THAP3: variants seen among roughly 807,000 people sequenced by gnomAD.
THAP3 encodes the protein THAP domain containing 3.
THAP3 carries 12 observed loss-of-function variants against 17.7 expected under a neutral mutation model. That is an observed-to-expected ratio of 0.68 (90% confidence interval 0.43 to 1.10). The LOEUF is 1.10. Ranked by LOEUF, THAP3 falls within the 50% of genes least tolerant of loss-of-function variation. The pLI, the probability that THAP3 is intolerant of heterozygous loss-of-function variation, is 0.00. For missense variants in THAP3, 289 were observed against 318.0 expected (o/e 0.91, Z 0.69); for synonymous variants, 133 against 126.9 (o/e 1.05, Z -0.32).
At chr1:6,631,481 TA>T (rs1178702399) in intron 4 of THAP3, among the ~76,000 whole-genome samples, 1 of 151,674 alleles carries the variant, frequency 6.6e-6, no homozygotes, top group Non-Finnish European at 1.5e-5. Flanking sequence ...ATATAAAAAT[TA>T]GCCGGGCTGG....
chr1:6,633,894 G>A (rs1641698628), downstream of THAP3: 1 of 830,628 alleles, frequency 1.2e-6, no homozygotes, highest in South Asian at 1.7e-5. Flanking sequence ...TTGTCACTGG[G>A]TGACAGAGCG....
In THAP3 at chr1:6,624,871, G is replaced by A. The variant is rs914165319; in HGVS notation, c.-153G>A. Reference sequence around the variant, plus strand: ...CTGAGGGGTTGGCCGTTGGTTTCCAGTTGTCCAAGCCTGTGAGTGGCTATG... The same window carrying A: ...CTGAGGGGTTGGCCGTTGGTTTCCAATTGTCCAAGCCTGTGAGTGGCTATG... On this transcript the variant is annotated 5_prime_UTR_variant, in exon 1 of 6. Transcript: ENST00000054650. The A allele has an allele frequency of 1.2e-5, 4 of 331,464 alleles. No individual in the cohort carries two copies. Among genetic ancestry groups the A allele is most frequent in the African/African-American group, 2.2e-5 (1 of 44,528 alleles). The allele number at this position is 331,464 out of a possible 1,614,324, so 20.5% of individuals were successfully genotyped here.
rs527403160 is a variant in THAP3 at position 6,628,592 on chromosome 1, C to T, written c.168C>T (p.Ser56=). Residue 56 remains serine (S), a synonymous_variant, in exon 3 of 6, where the codon TCC becomes TCT. Transcript: ENST00000054650. ...FKPKQHTVIC[S]EHFRPECFSA... ...CCAAGCAGCACACGGTCATCTGCTCCGAGCACTTCCGGCCAGAGTGCTTCA... is the reference window on the plus strand; with the variant it reads ...CCAAGCAGCACACGGTCATCTGCTCTGAGCACTTCCGGCCAGAGTGCTTCA... 2.8e-5 allele frequency: 45 copies of T among 1,613,850 alleles called. No individual in the cohort carries two copies. The highest frequency in any genetic ancestry group is 3.3e-4 in the Middle Eastern group (2 of 6,062).
chr1:6,632,471 A>G lies in THAP3; in HGVS notation c.414A>G (p.Pro138=). The G allele has an allele frequency of 6.2e-7, 1 of 1,614,184 alleles. No homozygotes were observed. Among genetic ancestry groups the G allele is most frequent in the Non-Finnish European group, 8.5e-7 (1 of 1,180,032 alleles). The change falls in exon 5 of 6, where the codon CCA becomes CCG. Residue 138 remains proline, a synonymous_variant. Coordinates refer to ENST00000054650, the MANE Select transcript of THAP3 (RefSeq NM_001195753.2). ...DTALEELQLP[P]NAEGHVKQVS... is the part of the protein sequence containing the mutation. ...CACTTGAAGAGCTTCAGTTGCCCCCAAATGCCGAAGGCCACGTAAAACAGG... is the reference window on the plus strand; with the variant it reads ...CACTTGAAGAGCTTCAGTTGCCCCCGAATGCCGAAGGCCACGTAAAACAGG...
At chr1:6,634,753 G>T, downstream of THAP3, 1 of 1,343,380 alleles carries the variant, frequency 7.4e-7, no homozygotes, top group East Asian at 4.8e-5. Context: ...TGAGGACGCT[G>T]GACCTGCAGG....
downstream of THAP3, chr1:6,634,179 G>GA (rs1404347754): frequency 1.5e-5 from 19 of 1,285,998 alleles, no homozygotes; most frequent in Non-Finnish European, 1.8e-5. Context: ...CTGCTTTCAG[G>GA]AAAGGTTTAT....
chr1:6,630,888 T>G (rs1328128655), intron 4 of THAP3, among the ~76,000 whole-genome samples: 2 of 151,150 alleles, frequency 1.3e-5, no homozygotes, highest in Admixed American at 6.6e-5. Flanking sequence ...TTTTTTTTTT[T>G]TGTAGAGATA....
At chr1:6,625,070 G>T (rs1185714291) in intron 1 of THAP3, 80 bp from the exon 2 acceptor site, 6 of 854,930 alleles carry the variant, frequency 7.0e-6, no homozygotes, top group Non-Finnish European at 1.0e-5. Context: ...GACGCGGGTG[G>T]CTGGGATGGC....
Position 6,628,684 on chromosome 1 carries a change from C to T in THAP3, c.260C>T (p.Pro87Leu). The change falls in exon 3 of 6, where the codon CCC (proline) becomes CTC (leucine). Residue 87 changes from proline (P) to leucine (L), a missense_variant. Pro to Leu is a moderately conservative substitution (Grantham distance 98, BLOSUM62 -3). Coordinates refer to ENST00000054650, the MANE Select transcript of THAP3 (RefSeq NM_001195753.2). ...CCCACGGTGTTCGCCTTTCAGGACC[C>T]CACACAGGTAGGAGGGCACTGCACC... is the stretch of plus-strand genomic sequence containing the variant. ...AVPTVFAFQD[P>L]TQQVRENTDP... 6.2e-7 allele frequency: 1 copy of T among 1,612,590 alleles called. No individual in the cohort carries two copies. Among genetic ancestry groups the T allele is most frequent in the South Asian group, 1.1e-5 (1 of 90,912 alleles).
At chr1:6,635,546 A>C, downstream of THAP3, 5 of 1,013,414 alleles carry the variant, frequency 4.9e-6, no homozygotes, top group Non-Finnish European at 7.3e-6. Flanking sequence ...CATAATTGAT[A>C]ATGGTACCAC....
chr1:6,625,375 G>A, intron 2 of THAP3, 83 bp downstream of exon 2: 1 of 1,332,156 alleles, frequency 7.5e-7, no homozygotes, highest in Non-Finnish European at 9.8e-7. Flanking sequence ...CGCCGGGCGG[G>A]AGGCCCAAAG....
rs114435442 is a variant in THAP3 at position 6,627,069 on chromosome 1, C to T, written c.75-1430C>T. On this transcript the variant is annotated intron_variant, in intron 2 of 5. Transcript: ENST00000054650. ...GCATTTCACACAACTGACCCCTGAG[C>T]CTGGGTCACTTTTCCCGCATGGCGT... 4.2e-3 allele frequency among the ~76,000 whole-genome samples: 644 copies of T among 152,320 alleles called. 1 individual carries two copies. The highest frequency in any genetic ancestry group is 6.2e-3 in the Non-Finnish European group (425 of 68,032).
At chr1:6,628,970 G>A (rs1047849925) in intron 3 of THAP3, among the ~76,000 whole-genome samples, 11 of 152,234 alleles carry the variant, frequency 7.2e-5, no homozygotes, top group African/African-American at 2.7e-4. Context: ...GGGAGGCAGA[G>A]GTGGGTGGAT....
intron 3 of THAP3, 57 bp from the exon 4 acceptor site, chr1:6,630,231 G>A: frequency 6.6e-7 from 1 of 1,511,794 alleles, no homozygotes; most frequent in Non-Finnish European, 9.2e-7. Context: ...CCCGAGGCCT[G>A]CCCCGAGCTC....
chr1:6,630,275 G>T lies in THAP3; in HGVS notation c.268-13G>T. The T allele has an allele frequency of 3.1e-6, 5 of 1,613,854 alleles. No homozygotes were observed. Among genetic ancestry groups the T allele is most frequent in the African/African-American group, 1.3e-5 (1 of 75,046 alleles). On this transcript the variant is annotated splice_polypyrimidine_tract_variant and intron_variant, in intron 3 of 5. Transcript: ENST00000054650. ...CTTGGGGTCTGCATCCACTCTGTGT[G>T]TGTCTCTTGTAGCAGGTGAGGGAGA... is the stretch of plus-strand genomic sequence containing the variant.
chr1:6,635,351 A>G (rs2148724899), downstream of THAP3: 1 of 271,206 alleles, frequency 3.7e-6, no homozygotes, highest in Non-Finnish European at 7.1e-6. Flanking sequence ...CAAGAACTAC[A>G]GGGCGGCGGG....
rs1641493366 is a variant in THAP3, at chr1:6,627,332, A to C, written c.75-1167A>C. ...TGTCACCCCAGCACATGGAGAGCCT[A>C]AAAAGCACCTCAAATTTAACTCCTG... On this transcript the variant is annotated intron_variant, in intron 2 of 5. Coordinates refer to ENST00000054650, the MANE Select transcript of THAP3 (RefSeq NM_001195753.2). Among the ~76,000 whole-genome samples, 3 of 152,214 alleles carry C rather than the reference A, an allele frequency of 2.0e-5. 1 individual carries two copies. In the South Asian group the frequency reaches 6.2e-4, roughly 31 times the overall value.
chr1:6,625,995 C>A (rs1369952388), intron 2 of THAP3, among the ~76,000 whole-genome samples: 1 of 152,204 alleles, frequency 6.6e-6, no homozygotes, highest in Non-Finnish European at 1.5e-5. Context: ...GAGTTTTCCC[C>A]AAGTGAACGT....
In THAP3 at chr1:6,625,240, C is replaced by A. The variant is rs753064234; in HGVS notation, c.22C>A (p.Arg8=). The part of the protein sequence containing the change: MPKSCAA[R]QCCNRYSSRR... ...CGAGATGCCGAAGTCGTGCGCGGCC[C>A]GGCAGTGCTGCAACCGCTACAGCAG... Residue 8 remains arginine, a synonymous_variant, in exon 2 of 6, where the codon CGG becomes AGG. Transcript: ENST00000054650. 2 of 1,545,376 alleles carry A rather than the reference C, an allele frequency of 1.3e-6. No homozygotes were observed. The highest frequency in any genetic ancestry group is 1.7e-6 in the Non-Finnish European group (2 of 1,147,132).
Sources: gnomAD v4.1 joint callset for allele counts (sites outside exome capture counted in the v4.1 genomes callset) on GRCh38, gnomAD v4.1.1 for gene constraint, MANE v1.5 for transcripts, NCBI Gene and HGNC (gene_info 2026-07-23, HGNC 2026-07-21) for gene names.